KCNK13: variants seen among roughly 807,000 people sequenced by gnomAD.
KCNK13 encodes potassium two pore domain channel subfamily K member 13, also known as potassium channel subfamily K member 13.
In KCNK13, 12 loss-of-function variants were observed where a neutral mutation model predicts 23.4. The observed-to-expected ratio is 0.51, with a 90% confidence interval of 0.33 to 0.83. The LOEUF (loss-of-function observed/expected upper bound fraction) is 0.83, where lower values mean the gene tolerates loss of function less well. KCNK13 is among the 40% of genes least tolerant of loss of function. The pLI, the probability that KCNK13 is intolerant of heterozygous loss-of-function variation, is 0.02. For synonymous variants in KCNK13, 231 were observed against 229.5 expected, an observed-to-expected ratio of 1.01 and a Z score of -0.06; for missense variants, 463 against 556.3, an observed-to-expected ratio of 0.83 and a Z score of 1.69.
Position 90,062,193 on chromosome 14 carries a change from C to CG in KCNK13, c.-8dup. On this transcript the variant is annotated 5_prime_UTR_variant, in exon 1 of 2. Transcript: ENST00000282146. This position sits in a 1 kb window ranked among gnomAD's most constrained non-coding sequence, Gnocchi z 4.5. ...GTGCCGTGGGCCTGGGGGCTGCCCC[C>CG]GGGGGCCCGGCCATGGCTGGCCGGG... The CG allele has an allele frequency of 4.3e-6, 6 of 1,385,446 alleles. No homozygotes were observed. The highest frequency in any genetic ancestry group is 2.6e-4 in the Middle Eastern group (1 of 3,786). The allele number at this position is 1,385,446 out of a possible 1,614,324, so 85.8% of individuals were successfully genotyped here. A position where few individuals can be genotyped will look rare whatever the true frequency, so the allele number is the denominator to read the frequency against.
intron 1 of KCNK13, among the ~76,000 whole-genome samples, chr14:90,165,776 C>G (rs559134357): frequency 4.6e-5 from 7 of 152,306 alleles, no homozygotes; most frequent in Non-Finnish European, 8.8e-5. Flanking sequence ...GAAATAATGA[C>G]AGCATTTATT....
chr14:90,102,546 C>G (rs1445935131), intron 1 of KCNK13, among the ~76,000 whole-genome samples: 1 of 152,188 alleles, frequency 6.6e-6, no homozygotes, highest in Non-Finnish European at 1.5e-5. Flanking sequence ...TCTCCTGTTG[C>G]CTTCCTGGTT....
intron 1 of KCNK13, among the ~76,000 whole-genome samples, chr14:90,178,991 C>T (rs561101088): frequency 7.2e-5 from 11 of 151,928 alleles, no homozygotes; most frequent in East Asian, 1.9e-4. Flanking sequence ...ACAAATCATC[C>T]GTAAAAAGAT....
intron 1 of KCNK13, among the ~76,000 whole-genome samples, chr14:90,106,554 G>A (rs994424633): frequency 5.3e-5 from 8 of 151,660 alleles, no homozygotes; most frequent in African/African-American, 1.9e-4. Flanking sequence ...CACCCTGGGT[G>A]ACAGAGTGAG....
intron 1 of KCNK13, among the ~76,000 whole-genome samples, chr14:90,171,552 T>C (rs1254118209): frequency 6.6e-6 from 1 of 152,234 alleles, no homozygotes; most frequent in Non-Finnish European, 1.5e-5. Context: ...TGACGGCATG[T>C]GCCTAAGGTG....
chr14:90,110,183 T>G (rs1889598017), intron 1 of KCNK13, among the ~76,000 whole-genome samples: 3 of 152,138 alleles, frequency 2.0e-5, no homozygotes, highest in Non-Finnish European at 4.4e-5. Context: ...CTACTACAGC[T>G]TTAATGTGCG....
chr14:90,170,761 A>G (rs1197825481), intron 1 of KCNK13, among the ~76,000 whole-genome samples: 1 of 152,202 alleles, frequency 6.6e-6, no homozygotes, highest in Admixed American at 6.5e-5. Flanking sequence ...GGAAAAATGC[A>G]GGGAATCTGC....
rs145751005 is a variant in KCNK13, at chr14:90,113,908, G to A, written c.334+51369G>A. ...AGATTGCGCCACTGAACTCCAGCCT[G>A]GAGGACAGAGTGAGACTCTGTCTCA... On this transcript the variant is annotated intron_variant, in intron 1 of 1. Coordinates refer to ENST00000282146, the MANE Select transcript of KCNK13 (RefSeq NM_022054.4). Among the ~76,000 whole-genome samples the A allele has an allele frequency of 5.1e-3, 775 of 152,110 alleles. 7 individuals are homozygous for A. Among genetic ancestry groups the A allele is most frequent in the African/African-American group, 0.017 (719 of 41,472 alleles).
At chr14:90,123,380 G>A (rs10148364) in intron 1 of KCNK13, among the ~76,000 whole-genome samples, 44,681 of 151,998 alleles carry the variant, frequency 0.29, 6,743 homozygotes, top group Admixed American at 0.37. Flanking sequence ...TCTTCCCTCC[G>A]TGTGTGTCTG....
chr14:90,149,322 C>G (rs1231914567), intron 1 of KCNK13, among the ~76,000 whole-genome samples: 2 of 152,122 alleles, frequency 1.3e-5, no homozygotes, highest in African/African-American at 4.8e-5. Context: ...CACCACTGCA[C>G]TTGAACCTGG....
intron 1 of KCNK13, among the ~76,000 whole-genome samples, chr14:90,126,682 T>C (rs186453368): frequency 9.7e-4 from 148 of 152,138 alleles, no homozygotes; most frequent in East Asian, 3.9e-3. Context: ...TAGCTAGGAC[T>C]ACAGGCACAC....
chr14:90,107,969 C>T (rs1405227976), intron 1 of KCNK13: 2 of 726,938 alleles, frequency 2.8e-6, no homozygotes, highest in South Asian at 2.7e-5. Flanking sequence ...GCTGACGCGG[C>T]TAAAGCAGAT....
intron 1 of KCNK13, among the ~76,000 whole-genome samples, chr14:90,168,061 C>T (rs1890323750): frequency 6.6e-6 from 1 of 152,076 alleles, no homozygotes; most frequent in African/African-American, 2.4e-5. Flanking sequence ...ATGTTTTCTG[C>T]ATCACATACT....
At chr14:90,101,810 A>AAAAAC (rs1465117776) in intron 1 of KCNK13, among the ~76,000 whole-genome samples, 2 of 149,316 alleles carry the variant, frequency 1.3e-5, no homozygotes, top group African/African-American at 5.0e-5. Flanking sequence ...AAAAAAAAAA[A>AAAAAC]AACCTCACAA....
chr14:90,160,531 G>A (rs979969298), intron 1 of KCNK13, among the ~76,000 whole-genome samples: 6 of 152,076 alleles, frequency 3.9e-5, no homozygotes, highest in Admixed American at 1.3e-4. Flanking sequence ...TTTTGTGTTT[G>A]GGTAGATGGA....
intron 1 of KCNK13, among the ~76,000 whole-genome samples, chr14:90,103,655 C>T (rs373208363): frequency 3.3e-5 from 5 of 152,198 alleles, no homozygotes; most frequent in East Asian, 1.9e-4. Flanking sequence ...CTCCACCTCC[C>T]GAGTTCAAGC....
chr14:90,067,959 G>A (rs189136839), intron 1 of KCNK13, among the ~76,000 whole-genome samples: 95 of 152,208 alleles, frequency 6.2e-4, no homozygotes, highest in African/African-American at 2.3e-3. Flanking sequence ...TGTAATAAAA[G>A]TGTACTTCTT....
At chr14:90,114,579 A>G (rs1352429695) in intron 1 of KCNK13, among the ~76,000 whole-genome samples, 2 of 152,148 alleles carry the variant, frequency 1.3e-5, no homozygotes, top group Non-Finnish European at 2.9e-5. Flanking sequence ...GACCTTCCCC[A>G]TTCTCAGGAC....
At chr14:90,088,705 G>C (rs1292231763) in intron 1 of KCNK13, among the ~76,000 whole-genome samples, 1 of 152,162 alleles carries the variant, frequency 6.6e-6, no homozygotes, top group East Asian at 1.9e-4. Flanking sequence ...GGAGTGATAT[G>C]GTTTGGCTCT....
Sources: gnomAD v4.1 joint callset for allele counts (sites outside exome capture counted in the v4.1 genomes callset) on GRCh38, gnomAD v4.1.1 for gene constraint, Gnocchi (gnomAD v3.1) non-coding constraint, MANE v1.5 for transcripts, NCBI Gene and HGNC (gene_info 2026-07-23, HGNC 2026-07-21) for gene names.